Variants in LRRFIP2 observed in about 807,000 individuals in gnomAD.
LRRFIP2 encodes leucine-rich repeat flightless-interacting protein 2.
A neutral mutation model predicts 125.9 loss-of-function variants in LRRFIP2; 109 were observed. That is an observed-to-expected ratio of 0.87 (90% CI 0.74 to 1.01). The LOEUF is 1.01. Among genes scored for constraint, LRRFIP2 ranks in the 50% least tolerant of loss-of-function variants. The pLI is 0.00. For missense variants in LRRFIP2, 850 were observed against 862.3 expected (o/e 0.99, Z 0.18); for synonymous variants, 291 against 293.1 (o/e 0.99, Z 0.07).
At chr3:37,095,662 G>T (rs2093680542) in intron 16 of LRRFIP2, among the ~76,000 whole-genome samples, 1 of 152,030 alleles carries the variant, frequency 6.6e-6, no homozygotes, top group African/African-American at 2.4e-5. Flanking sequence ...TTGAGGTGGA[G>T]TCTCGCTGTT....
intron 19 of LRRFIP2, among the ~76,000 whole-genome samples, chr3:37,076,823 G>A (rs1222138717): frequency 9.9e-5 from 15 of 152,232 alleles, no homozygotes; most frequent in East Asian, 3.9e-4. Flanking sequence ...CCGAGATTGC[G>A]CCATTGCACT....
At chr3:37,141,807 C>G (rs1271522237) in intron 2 of LRRFIP2, among the ~76,000 whole-genome samples, 1 of 152,182 alleles carries the variant, frequency 6.6e-6, no homozygotes, top group Non-Finnish European at 1.5e-5. Context: ...AGTATCTATC[C>G]TGTCCCTCAG....
chr3:37,092,366 T>C (rs2093491945), intron 17 of LRRFIP2, among the ~76,000 whole-genome samples: 1 of 152,214 alleles, frequency 6.6e-6, no homozygotes, highest in Non-Finnish European at 1.5e-5. Context: ...ATTTTTGGTA[T>C]TATATTTTCC....
chr3:37,124,906 A>G (rs779305513), intron 4 of LRRFIP2, among the ~76,000 whole-genome samples: 4 of 152,178 alleles, frequency 2.6e-5, no homozygotes, highest in Non-Finnish European at 5.9e-5. Flanking sequence ...AAGATAACAG[A>G]TTACAGCAAA....
At chr3:37,113,324 T>C (rs971494031) in intron 7 of LRRFIP2, among the ~76,000 whole-genome samples, 5 of 152,094 alleles carry the variant, frequency 3.3e-5, no homozygotes, top group African/African-American at 1.2e-4. Context: ...TCTTTTTCAA[T>C]AGAAACAGGG....
In LRRFIP2 at chr3:37,053,789, C is replaced by CA. The variant is rs35622284; in HGVS notation, c.*61dup. 1 of 1,106,454 alleles carries CA rather than the reference C, an allele frequency of 9.0e-7. No individual in the cohort carries two copies. Among genetic ancestry groups the CA allele is most frequent in the African/African-American group, 1.5e-5 (1 of 65,078 alleles). 68.5% of individuals were successfully genotyped at this position (1,106,454 alleles called of 1,614,324 possible). ...ACTAAAAGGGGTTTGTGTCAATGGA[C>CA]AAAAGTCAGTCCCTCTAGGTAGGGC... is the stretch of plus-strand genomic sequence containing the variant. On this transcript the variant is annotated 3_prime_UTR_variant, in exon 28 of 28. Coordinates refer to ENST00000336686, the MANE Select transcript of LRRFIP2 (RefSeq NM_006309.4).
At chr3:37,063,530 CTA>C (rs2089340507) in intron 24 of LRRFIP2, among the ~76,000 whole-genome samples, 1 of 152,298 alleles carries the variant, frequency 6.6e-6, no homozygotes, top group African/African-American at 2.4e-5. Context: ...TTGTAAAAAA[CTA>C]TATGACTCCT....
At chr3:37,165,902 AAAC>A (rs1397972275) in intron 1 of LRRFIP2, among the ~76,000 whole-genome samples, 2 of 152,184 alleles carry the variant, frequency 1.3e-5, no homozygotes, top group Admixed American at 1.3e-4. Flanking sequence ...TCAAAGACCT[AAAC>A]AAATGAGCTA....
At chr3:37,055,526 A>G (rs561052765) in intron 25 of LRRFIP2, among the ~76,000 whole-genome samples, 26 of 152,164 alleles carry the variant, frequency 1.7e-4, no homozygotes, top group Non-Finnish European at 3.5e-4. Context: ...AGATCGCGCC[A>G]CTGCACTCCA....
At chr3:37,059,011 A>G (rs1487293666) in intron 24 of LRRFIP2, 101 bp from the exon 25 acceptor site, 3 of 1,432,506 alleles carry the variant, frequency 2.1e-6, no homozygotes, top group South Asian at 2.4e-5. Context: ...CCCTTATCGT[A>G]TCAGCCACAT....
rs549018222 is a variant in LRRFIP2, at chr3:37,060,273, A to G, written c.1750-1363T>C. On this transcript the variant is annotated intron_variant, in intron 24 of 27. Transcript: ENST00000336686. The surrounding 1 kb of genome is among the most constrained non-coding windows in gnomAD (Gnocchi z 4.1). The stretch of plus-strand genomic sequence containing the variant: ...GATAACCCTCTCCTGCTGCTTCTGC[A>G]GCTCTCTCAAACACTGTTTTTGTTT... 3.9e-4 allele frequency among the ~76,000 whole-genome samples: 60 copies of G among 152,044 alleles called. No individual in the cohort carries two copies. Among genetic ancestry groups the G allele is most frequent in the African/African-American group, 1.3e-3 (56 of 41,508 alleles).
At chr3:37,110,016 GAA>G (rs2094493807) in intron 9 of LRRFIP2, among the ~76,000 whole-genome samples, 1 of 152,120 alleles carries the variant, frequency 6.6e-6, no homozygotes, top group South Asian at 2.1e-4. Context: ...AACACTGAGG[GAA>G]AGAGGGTCAT....
chr3:37,072,450 C>T (rs1431721782), intron 21 of LRRFIP2, among the ~76,000 whole-genome samples: 5 of 140,296 alleles, frequency 3.6e-5, no homozygotes, highest in South Asian at 4.4e-4. Flanking sequence ...TGTAGTGAGC[C>T]GAGATCATGC....
intron 2 of LRRFIP2, among the ~76,000 whole-genome samples, chr3:37,129,455 T>TC (rs1293598162): frequency 6.6e-6 from 1 of 152,080 alleles, no homozygotes; most frequent in Non-Finnish European, 1.5e-5. Flanking sequence ...CAGAATTTTT[T>TC]CCCCATTGAT....
intron 25 of LRRFIP2, among the ~76,000 whole-genome samples, chr3:37,056,118 A>G (rs2086796020): frequency 2.0e-5 from 3 of 152,204 alleles, no homozygotes; most frequent in Admixed American, 2.0e-4. Context: ...CACACAGTGT[A>G]TGCCTAAATA....
chr3:37,088,823 AT>A (rs2093258962), intron 18 of LRRFIP2, among the ~76,000 whole-genome samples: 2 of 152,000 alleles, frequency 1.3e-5, no homozygotes, highest in South Asian at 4.1e-4. Flanking sequence ...AAATAAAAAA[AT>A]AAAATTTTAA....
chr3:37,112,977 G>T lies in LRRFIP2; in HGVS notation c.376C>A (p.His126Asn). Residue 126 changes from histidine to asparagine, a missense_variant, in exon 8 of 28, where the codon CAT (histidine) becomes AAT (asparagine). By Grantham distance (68) the His-to-Asn change is moderately conservative. Coordinates refer to ENST00000336686, the MANE Select transcript of LRRFIP2 (RefSeq NM_006309.4). ...ATTCCATGAGAGTGACTGTAAGAAT[G>T]ATTCTGGAAGTAAATATTCCAAGTT... ...DRSSRLSSLN[H>N]SYSHSHGMKK... The T allele has an allele frequency of 1.3e-6, 2 of 1,559,704 alleles. No homozygotes were observed. Among genetic ancestry groups the T allele is most frequent in the South Asian group, 2.3e-5 (2 of 87,366 alleles).
At chr3:37,059,814 A>ATAG (rs1366268287) in intron 24 of LRRFIP2, among the ~76,000 whole-genome samples, 3 of 151,690 alleles carry the variant, frequency 2.0e-5, no homozygotes, top group Non-Finnish European at 4.4e-5. Context: ...AATAATAATA[A>ATAG]TTGGATACAT....
chr3:37,175,868 C>G (rs919831769), upstream of LRRFIP2: 3 of 152,262 alleles, frequency 2.0e-5, no homozygotes, highest in African/African-American at 7.2e-5. Context: ...GACGGGATGT[C>G]TGAGAACGCC....
Sources: gnomAD v4.1 joint callset for allele counts (sites outside exome capture counted in the v4.1 genomes callset) on GRCh38, gnomAD v4.1.1 for gene constraint, Gnocchi (gnomAD v3.1) non-coding constraint, MANE v1.5 for transcripts, NCBI Gene and HGNC (gene_info 2026-07-23, HGNC 2026-07-21) for gene names.